The following PTK2 variants were observed in gnomAD, a reference collection of about 807,000 sequenced individuals.
PTK2 encodes the protein protein tyrosine kinase 2, also known as focal adhesion kinase 1.
In PTK2, 45 loss-of-function variants were observed where a neutral mutation model predicts 150.1. The observed-to-expected ratio is 0.30, with a 90% CI of 0.24 to 0.38. The LOEUF (loss-of-function observed/expected upper bound fraction) is 0.38. Ranked by LOEUF, PTK2 falls within the 10% of genes least tolerant of loss-of-function variation. PTK2 has a pLI of 1.00. For missense variants in PTK2, 919 were observed against 1,307.3 expected, an observed-to-expected ratio of 0.70 and a Z score of 4.58; for synonymous variants, 432 against 449.2, an observed-to-expected ratio of 0.96 and a Z score of 0.48.
intron 31 of PTK2, among the ~76,000 whole-genome samples, chr8:140,660,246 GATC>G (rs1182740227): frequency 2.0e-5 from 3 of 152,286 alleles, no homozygotes; most frequent in Admixed American, 2.0e-4. Context: ...GAACTTCAGA[GATC>G]ATCTATTCCA....
At chr8:140,728,242 C>T (rs2100047125) in intron 22 of PTK2, among the ~76,000 whole-genome samples, 1 of 151,824 alleles carries the variant, frequency 6.6e-6, no homozygotes, top group Non-Finnish European at 1.5e-5. Flanking sequence ...TAAAGATGTT[C>T]CCCAAGGATA....
chr8:140,739,784 C>G (rs997236332), intron 20 of PTK2, among the ~76,000 whole-genome samples: 2 of 152,134 alleles, frequency 1.3e-5, no homozygotes, highest in Non-Finnish European at 2.9e-5. Flanking sequence ...CTGTGCCGTC[C>G]CCTCCCAGCC....
At chr8:140,740,707 G>A (rs1203149352) in intron 20 of PTK2, among the ~76,000 whole-genome samples, 2 of 152,036 alleles carry the variant, frequency 1.3e-5, no homozygotes, top group Non-Finnish European at 2.9e-5. Flanking sequence ...CTAGGACTTG[G>A]GACAGTTAAG....
intron 1 of PTK2, among the ~76,000 whole-genome samples, chr8:140,927,654 A>T (rs1409735221): frequency 1.3e-5 from 2 of 152,046 alleles, no homozygotes; most frequent in African/African-American, 4.8e-5. Context: ...CCATTACTAC[A>T]GACTCCATAC....
intron 14 of PTK2, among the ~76,000 whole-genome samples, chr8:140,774,396 A>T (rs1486926196): frequency 1.3e-5 from 2 of 152,220 alleles, no homozygotes; most frequent in East Asian, 3.8e-4. Flanking sequence ...GAGGCTAAGG[A>T]AACACTCACC....
intron 26 of PTK2, among the ~76,000 whole-genome samples, chr8:140,694,262 C>A (rs578018977): frequency 1.3e-5 from 2 of 151,874 alleles, no homozygotes; most frequent in African/African-American, 4.8e-5. Flanking sequence ...AGGATGGTCT[C>A]GATCTCCTGA....
intron 27 of PTK2, among the ~76,000 whole-genome samples, chr8:140,684,270 G>A (rs548676611): frequency 7.9e-5 from 12 of 152,316 alleles, no homozygotes; most frequent in Admixed American, 6.5e-4. Flanking sequence ...AGATCATCAG[G>A]CATTAGAGTC....
intron 20 of PTK2, among the ~76,000 whole-genome samples, chr8:140,742,404 A>C (rs924850425): frequency 1.3e-5 from 2 of 152,062 alleles, no homozygotes; most frequent in African/African-American, 4.8e-5. Context: ...CAGACGTGCA[A>C]CTCCTGGGTC....
intron 11 of PTK2, 38 bp from the exon 12 acceptor site, chr8:140,800,614 T>C (rs1444181703): frequency 4.6e-6 from 7 of 1,517,856 alleles, no homozygotes; most frequent in Non-Finnish European, 6.4e-6. Flanking sequence ...ACTTCATTGT[T>C]CTTCCCAGTA....
intron 14 of PTK2, 54 bp downstream of exon 14, chr8:140,789,420 A>T (rs537985821): frequency 6.6e-7 from 1 of 1,524,572 alleles, no homozygotes; most frequent in East Asian, 2.3e-5. Context: ...GACATCTATG[A>T]TCGTCTTACC....
At chr8:140,914,419 G>GT (rs35040889) in intron 2 of PTK2, among the ~76,000 whole-genome samples, 65 of 147,712 alleles carry the variant, frequency 4.4e-4, no homozygotes, top group Middle Eastern at 7.2e-3. Flanking sequence ...CAAGTTTTGG[G>GT]TTTTTTTTTT....
intron 2 of PTK2, among the ~76,000 whole-genome samples, chr8:140,902,802 G>T (rs1181013609): frequency 6.6e-6 from 1 of 151,414 alleles, no homozygotes; most frequent in African/African-American, 2.4e-5. Context: ...TTTTGGTGGG[G>T]TTGTTTTTTT....
At chr8:140,775,843 T>G (rs1329564584) in intron 14 of PTK2, among the ~76,000 whole-genome samples, 1 of 152,206 alleles carries the variant, frequency 6.6e-6, no homozygotes, top group East Asian at 1.9e-4. Context: ...CTTTCTGACA[T>G]TTAGCTGCTT....
chr8:140,937,175 T>A (rs567403743), intron 1 of PTK2, among the ~76,000 whole-genome samples: 34 of 152,206 alleles, frequency 2.2e-4, no homozygotes, highest in Non-Finnish European at 4.3e-4. Context: ...ATTTGCACAT[T>A]TTTAAGAACA....
At chr8:140,841,860 C>T (rs2100122561) in intron 7 of PTK2, among the ~76,000 whole-genome samples, 1 of 152,080 alleles carries the variant, frequency 6.6e-6, no homozygotes, top group African/African-American at 2.4e-5. Flanking sequence ...AAGTTATCAT[C>T]TGTTGCCTAT....
intron 15 of PTK2, among the ~76,000 whole-genome samples, chr8:140,763,855 G>GTA (rs1181639994): frequency 6.6e-6 from 1 of 152,050 alleles, no homozygotes; most frequent in Non-Finnish European, 1.5e-5. Flanking sequence ...GTGTATGTAT[G>GTA]TGTATTATAC....
chr8:140,758,883 C>T (rs2100067499), intron 16 of PTK2, among the ~76,000 whole-genome samples: 1 of 151,994 alleles, frequency 6.6e-6, no homozygotes, highest in African/African-American at 2.4e-5. Context: ...ATGAGTGTAC[C>T]GTTATTTTAT....
At position 140,724,421 on chromosome 8, in the gene PTK2, A is replaced by G. The variant is rs928298680; in HGVS notation, c.2031-6712T>C. Among the ~76,000 whole-genome samples, 22 of 152,348 alleles carry G rather than the reference A, an allele frequency of 1.4e-4. No homozygotes were observed. In the Middle Eastern group the frequency reaches 0.01, roughly 71 times the overall value. ...ACTACTAACTTTTCTCTTTGCAAAT[A>G]CAAAACATTTCTCCTTTTAAATGTA... is the stretch of plus-strand genomic sequence containing the variant. On this transcript the variant is annotated intron_variant, in intron 22 of 31. Transcript: ENST00000522684.
At chr8:140,682,472 A>C (rs912399121) in intron 27 of PTK2, among the ~76,000 whole-genome samples, 2 of 152,168 alleles carry the variant, frequency 1.3e-5, no homozygotes, top group Admixed American at 6.5e-5. Context: ...TCTTAGCCAA[A>C]AGGCTGAGAA....
Sources: allele counts gnomAD v4.1 joint callset (sites outside exome capture counted in the v4.1 genomes callset), GRCh38; gene constraint gnomAD v4.1.1; transcripts MANE v1.5; gene names NCBI Gene and HGNC (gene_info 2026-07-23, HGNC 2026-07-21).